Variants in PCNX1 observed in about 807,000 individuals in gnomAD.
PCNX1 encodes pecanex 1.
PCNX1 carries 78 observed loss-of-function variants against 242.2 expected under a neutral mutation model. That is an observed-to-expected ratio of 0.32 (90% confidence interval 0.27 to 0.39). The LOEUF is 0.39. Among genes scored for constraint, PCNX1 ranks in the 10% least tolerant of loss-of-function variants. The pLI is 1.00. For missense variants in PCNX1, 2,581 were observed against 2,856.5 expected (o/e 0.90, Z 2.20); for synonymous variants, 1,024 against 1,032.9 (o/e 0.99, Z 0.17).
intron 33 of PCNX1, among the ~76,000 whole-genome samples, chr14:71,106,787 C>G (rs2062634877): frequency 1.3e-5 from 2 of 152,222 alleles, no homozygotes; most frequent in East Asian, 1.9e-4. Flanking sequence ...GCCTATTTTT[C>G]TATTTGGTTA....
chr14:70,991,896 C>T (rs2059176862), intron 7 of PCNX1, among the ~76,000 whole-genome samples: 1 of 152,002 alleles, frequency 6.6e-6, no homozygotes, highest in East Asian at 1.9e-4. Context: ...AGTAAATATA[C>T]TAATTTATTT....
intron 8 of PCNX1, among the ~76,000 whole-genome samples, chr14:70,999,722 AAC>A (rs2059448662): frequency 6.6e-6 from 1 of 152,194 alleles, no homozygotes; most frequent in Non-Finnish European, 1.5e-5. Flanking sequence ...GAAACCTGGC[AAC>A]ATTGCTCTTC....
rs1176587682 is a variant in PCNX1, at chr14:71,112,624, C to T, written c.*2689C>T. The stretch of plus-strand genomic sequence containing the variant: ...TGATCATAAATTCTTGTTCCTGCCT[C>T]ACCCCTCACCCCCCAGAGAATAGTG... On this transcript the variant is annotated 3_prime_UTR_variant, in exon 36 of 36. Transcript: ENST00000304743. 1 of 152,192 alleles carries T rather than the reference C, an allele frequency of 6.6e-6. No individual in the cohort carries two copies. The highest frequency in any genetic ancestry group is 2.4e-5 in the African/African-American group (1 of 41,562). 9.4% of individuals were successfully genotyped at this position (152,192 alleles called of 1,614,324 possible). A position where few individuals can be genotyped will look rare whatever the true frequency, so the allele number is the denominator to read the frequency against.
intron 22 of PCNX1, among the ~76,000 whole-genome samples, chr14:71,049,660 G>C (rs1272341172): frequency 6.6e-6 from 1 of 152,112 alleles, no homozygotes; most frequent in South Asian, 2.1e-4. Flanking sequence ...TATTAGTGCC[G>C]AGGATTGCAT....
At chr14:70,958,253 A>G (rs2058066088) in intron 2 of PCNX1, among the ~76,000 whole-genome samples, 1 of 152,160 alleles carries the variant, frequency 6.6e-6, no homozygotes, top group Non-Finnish European at 1.5e-5. Context: ...TTCTTTGTTG[A>G]ACCTTAGTTA....
In PCNX1 at chr14:71,042,333, T is replaced by C. The variant is rs893094249; in HGVS notation, c.3868-2800T>C. 4.6e-5 allele frequency among the ~76,000 whole-genome samples: 7 copies of C among 152,308 alleles called. 1 individual carries two copies. The highest frequency in any genetic ancestry group is 1.7e-4 in the African/African-American group (7 of 41,578). On this transcript the variant is annotated intron_variant, in intron 19 of 35. Coordinates refer to ENST00000304743, the MANE Select transcript of PCNX1 (RefSeq NM_014982.3). ...ATTAGCTTTAATAATATTTGCCTTATGTATCTGGGTGCTCTGGTGTAGGGT... is the reference window on the plus strand; with the variant it reads ...ATTAGCTTTAATAATATTTGCCTTACGTATCTGGGTGCTCTGGTGTAGGGT...
Position 70,945,491 on chromosome 14 carries a change from G to GAC in PCNX1, c.154-1421_154-1420dup, listed in dbSNP as rs1328419160. 2.6e-4 allele frequency among the ~76,000 whole-genome samples: 40 copies of GAC among 151,592 alleles called. 1 individual carries two copies. On this transcript the variant is annotated intron_variant, in intron 1 of 35. Transcript: ENST00000304743. Reference sequence around the variant, plus strand: ...ATATTTAATATATACCTATTATGCCGACACTCAACACAAAATTATTAATTT... The same window carrying GAC: ...ATATTTAATATATACCTATTATGCCGACACACTCAACACAAAATTATTAATTT...
chr14:71,068,825 A>G (rs2061521473), intron 26 of PCNX1, among the ~76,000 whole-genome samples: 1 of 114,842 alleles, frequency 8.7e-6, no homozygotes, highest in Non-Finnish European at 1.7e-5. Flanking sequence ...ACATGTATAT[A>G]AGTTCACATA....
chr14:71,002,459 T>C (rs1329211625), intron 8 of PCNX1, among the ~76,000 whole-genome samples: 1 of 152,210 alleles, frequency 6.6e-6, no homozygotes, highest in Non-Finnish European at 1.5e-5. Flanking sequence ...TCAGATACCT[T>C]AATCAAGATG....
At chr14:70,908,482 C>T (rs1173379985) in intron 1 of PCNX1, among the ~76,000 whole-genome samples, 2 of 152,206 alleles carry the variant, frequency 1.3e-5, no homozygotes, top group Non-Finnish European at 2.9e-5. Flanking sequence ...CGCCCGCCGC[C>T]TCGCCGCTAA....
intron 1 of PCNX1, among the ~76,000 whole-genome samples, chr14:70,935,965 A>T (rs1256592660): frequency 6.6e-6 from 1 of 152,106 alleles, no homozygotes; most frequent in Admixed American, 6.5e-5. Context: ...CAATTTTTTT[A>T]AATTCTCTGA....
chr14:71,064,793 G>T (rs943942736), intron 26 of PCNX1, among the ~76,000 whole-genome samples: 1 of 152,100 alleles, frequency 6.6e-6, no homozygotes, highest in Non-Finnish European at 1.5e-5. Context: ...ACAGGCCTGG[G>T]TATGTGATGT....
chr14:71,088,232 CTT>C, intron 28 of PCNX1, 96 bp from the exon 29 acceptor site: 1 of 623,356 alleles, frequency 1.6e-6, no homozygotes, highest in Non-Finnish European at 2.8e-6. Context: ...ATTATGTACT[CTT>C]TGAATTCTTT....
intron 6 of PCNX1, among the ~76,000 whole-genome samples, chr14:70,980,125 A>G (rs1469245870): frequency 1.3e-5 from 2 of 152,128 alleles, no homozygotes; most frequent in African/African-American, 4.8e-5. Flanking sequence ...TATGATAGAA[A>G]AATATTGCTG....
At chr14:70,927,160 G>C (rs2056624125) in intron 1 of PCNX1, among the ~76,000 whole-genome samples, 1 of 152,202 alleles carries the variant, frequency 6.6e-6, no homozygotes, top group Non-Finnish European at 1.5e-5. Flanking sequence ...AGCTCAAAGA[G>C]AGAAAGGATC....
At chr14:70,910,446 C>T (rs1010929397) in intron 1 of PCNX1, among the ~76,000 whole-genome samples, 1 of 151,820 alleles carries the variant, frequency 6.6e-6, no homozygotes, top group African/African-American at 2.4e-5. Flanking sequence ...ACCACACACA[C>T]ATTTGCCGCC....
Position 71,077,187 on chromosome 14 carries a change from C to T in PCNX1, c.5337+768C>T, listed in dbSNP as rs184246434. On this transcript the variant is annotated intron_variant, in intron 28 of 35. Coordinates refer to ENST00000304743, the MANE Select transcript of PCNX1 (RefSeq NM_014982.3). ...TCCTAAAAGTAAGATGAGTTAGGGA[C>T]TTCAGCAACTACAGCTTTCTTCTAG... 2.6e-5 allele frequency among the ~76,000 whole-genome samples: 4 copies of T among 152,278 alleles called. No homozygotes were observed. In the East Asian group the frequency reaches 7.7e-4, roughly 29 times the overall value.
chr14:70,985,905 AT>A (rs910562295), intron 6 of PCNX1, among the ~76,000 whole-genome samples: 76 of 147,596 alleles, frequency 5.1e-4, no homozygotes, highest in South Asian at 1.3e-3. Flanking sequence ...AAAAGATTAA[AT>A]TTTTTTTTTT....
chr14:71,099,237 C>A (rs1325132398), intron 30 of PCNX1, among the ~76,000 whole-genome samples: 2 of 150,432 alleles, frequency 1.3e-5, no homozygotes, highest in Admixed American at 1.3e-4. Context: ...CGGCTCACTG[C>A]AAGCTTGGCC....
Sources: gnomAD v4.1 joint callset for allele counts (sites outside exome capture counted in the v4.1 genomes callset) on GRCh38, gnomAD v4.1.1 for gene constraint, MANE v1.5 for transcripts, NCBI Gene and HGNC (gene_info 2026-07-23, HGNC 2026-07-21) for gene names.